ITGA3: variants seen among roughly 807,000 people sequenced by gnomAD.
ITGA3 encodes integrin alpha-3.
Under a neutral mutation model 131.1 loss-of-function variants are expected in ITGA3, and 70 were observed. The ratio of observed to expected loss-of-function variants is 0.53; its 90% CI spans 0.44 to 0.65. The LOEUF is 0.65. Ranked by LOEUF, ITGA3 falls within the 30% of genes least tolerant of loss-of-function variation. The pLI, the probability that ITGA3 is intolerant of heterozygous loss-of-function variation, is 0.00. For missense variants in ITGA3, 1,098 were observed against 1,388.6 expected (o/e 0.79, Z 3.33); for synonymous variants, 537 against 571.6 (o/e 0.94, Z 0.86).
intron 1 of ITGA3, among the ~76,000 whole-genome samples, chr17:50,058,562 G>C (rs550074735): frequency 2.0e-4 from 31 of 152,366 alleles, no homozygotes; most frequent in African/African-American, 7.5e-4. Flanking sequence ...TGTCTGGGAA[G>C]CTGGAGCTGG....
intron 15 of ITGA3, 112 bp downstream of exon 15, chr17:50,077,233 G>T (rs1908958529): frequency 1.8e-5 from 24 of 1,319,612 alleles, no homozygotes; most frequent in Non-Finnish European, 2.5e-5. Context: ...ACCTCCTCTG[G>T]TCTGGGCCTT....
chr17:50,075,868 A>G (rs1464660153), intron 12 of ITGA3, 133 bp downstream of exon 12: 19 of 896,718 alleles, frequency 2.1e-5, no homozygotes, highest in Non-Finnish European at 2.9e-5. Flanking sequence ...TTGGAAGGCT[A>G]TTGGTGTGTA....
At chr17:50,083,105 A>G (rs1002924398) in intron 23 of ITGA3, among the ~76,000 whole-genome samples, 2 of 152,250 alleles carry the variant, frequency 1.3e-5, no homozygotes, top group African/African-American at 2.4e-5. Flanking sequence ...AGGGCCAGAA[A>G]GATCAGTGGA....
chr17:50,088,339 G>A lies in ITGA3; in HGVS notation c.*4G>A. ...GAGGCTGACCGACGACTACTGAGGG[G>A]GCAGCCCCCCGCCCCCGGCCCACCT... On this transcript the variant is annotated 3_prime_UTR_variant, in exon 25 of 26. Transcript: ENST00000320031. 2 of 1,564,172 alleles carry A rather than the reference G, an allele frequency of 1.3e-6. No homozygotes were observed. Among genetic ancestry groups the A allele is most frequent in the Non-Finnish European group, 1.7e-6 (2 of 1,154,726 alleles).
intron 6 of ITGA3, chr17:50,071,734 T>C (rs918486662): frequency 6.5e-6 from 4 of 618,042 alleles, no homozygotes; most frequent in Admixed American, 2.9e-5. Flanking sequence ...ATTTGTATGC[T>C]CCAGTGGATG....
intron 22 of ITGA3, among the ~76,000 whole-genome samples, chr17:50,080,778 C>G (rs546292151): frequency 7.2e-5 from 11 of 152,150 alleles, no homozygotes; most frequent in Non-Finnish European, 1.5e-4. Flanking sequence ...GGCCACCCAC[C>G]TAACTTTCTC....
Position 50,075,542 on chromosome 17 carries a change from C to T in ITGA3, c.1537+16C>T, listed in dbSNP as rs368911903. ...CGAAACATCAGTGAGTGCTGGGGTG[C>T]AGCGTAAAAGGGGTACGCTCCCCTG... On this transcript the variant is annotated intron_variant, in intron 11 of 25. Transcript: ENST00000320031. 6.0e-5 allele frequency: 97 copies of T among 1,614,218 alleles called. 1 individual carries two copies. In the African/African-American group the frequency reaches 9.5e-4, roughly 16 times the overall value.
intron 11 of ITGA3, 32 bp downstream of exon 11, chr17:50,075,558 C>T (rs369745048): frequency 1.1e-4 from 180 of 1,614,084 alleles, no homozygotes; most frequent in Middle Eastern, 3.3e-4. Context: ...AAAAGGGGTA[C>T]GCTCCCCTGT....
At chr17:50,075,556 T>C (rs1300880370) in intron 11 of ITGA3, 30 bp downstream of exon 11, 6 of 1,614,128 alleles carry the variant, frequency 3.7e-6, no homozygotes, top group Admixed American at 1.7e-5. Context: ...GTAAAAGGGG[T>C]ACGCTCCCCT....
Position 50,089,456 on chromosome 17 carries a change from G to A in ITGA3, c.*378G>A. On this transcript the variant is annotated 3_prime_UTR_variant, in exon 26 of 26. Transcript: ENST00000320031. ...ATCTTCCCACAGGAGGGCCAGCGCTGTGGACCTTACAACGCCGAGTGCACT... is the reference window on the plus strand; with the variant it reads ...ATCTTCCCACAGGAGGGCCAGCGCTATGGACCTTACAACGCCGAGTGCACT... The A allele has an allele frequency of 3.3e-6, 2 of 597,964 alleles. No individual in the cohort carries two copies. The highest frequency in any genetic ancestry group is 3.7e-5 in the African/African-American group (2 of 53,912). The allele number at this position is 597,964 out of a possible 1,614,324, so 37.0% of individuals were successfully genotyped here.
At chr17:50,088,204 C>T (rs1389862953) in intron 24 of ITGA3, 21 bp from the exon 25 acceptor site, 2 of 1,549,132 alleles carry the variant, frequency 1.3e-6, no homozygotes, top group South Asian at 1.2e-5. Flanking sequence ...ATGGCCCGTC[C>T]CCACCTCCTC....
rs370167171 is a variant in ITGA3 at position 50,064,050 on chromosome 17, C to T, written c.207-27C>T. On this transcript the variant is annotated intron_variant, in intron 1 of 25. Transcript: ENST00000320031. The surrounding 1 kb of genome is among the most constrained non-coding windows in gnomAD (Gnocchi z 4.4). The stretch of plus-strand genomic sequence containing the variant: ...AAGTGGGGCTTGGGGAGTCTGAACC[C>T]GGACCCACCTCCGTCCCTATCCCCA... 70 of 1,609,990 alleles carry T rather than the reference C, an allele frequency of 4.3e-5. No homozygotes were observed. Among genetic ancestry groups the T allele is most frequent in the Non-Finnish European group, 5.3e-5 (63 of 1,178,610 alleles).
At chr17:50,078,364 ACTC>A (rs1172232310) in intron 18 of ITGA3, 80 bp downstream of exon 18, 2 of 1,151,358 alleles carry the variant, frequency 1.7e-6, no homozygotes, top group African/African-American at 1.5e-5. Flanking sequence ...TATCTCCCAA[ACTC>A]CTCTGACCCC....
intron 4 of ITGA3, among the ~76,000 whole-genome samples, chr17:50,070,598 A>C (rs991035224): frequency 4.8e-4 from 69 of 142,456 alleles, no homozygotes; most frequent in African/African-American, 1.8e-3. Flanking sequence ...GTGAGGCAAG[A>C]TCACACCATT....
intron 21 of ITGA3, 47 bp from the exon 22 acceptor site, chr17:50,080,215 C>T: frequency 8.6e-7 from 1 of 1,167,892 alleles, no homozygotes; most frequent in South Asian, 1.3e-5. Flanking sequence ...CATGAAGAAT[C>T]TGGAGACTCA....
In ITGA3 at chr17:50,071,455, A is replaced by G; in HGVS notation, c.896A>G (p.Glu299Gly). 1 of 1,613,620 alleles carries G rather than the reference A, an allele frequency of 6.2e-7. No individual in the cohort carries two copies. The highest frequency in any genetic ancestry group is 8.5e-7 in the Non-Finnish European group (1 of 1,179,994). Residue 299 changes from glutamate to glycine, a missense_variant, in exon 6 of 26, where the codon GAG (glutamate) becomes GGG (glycine). Physicochemically the swap from Glu to Gly is moderately conservative, Grantham distance 98. Around this residue, in one of 3 missense-constraint regions of ITGA3, gnomAD observed 356 missense variants for 529.2 expected, o/e 0.67. Transcript: ENST00000320031. ...GGDLRRRQVL[E>G]GSQVGAYFGS... ...GACCTGCGGAGGAGGCAGGTGCTGG[A>G]GGGCTCGCAGGTGGGCGCCTATTTT...
chr17:50,057,511 C>T (rs1031872463), intron 1 of ITGA3, among the ~76,000 whole-genome samples: 22 of 152,240 alleles, frequency 1.4e-4, no homozygotes, highest in Admixed American at 2.0e-4. Flanking sequence ...CTCCACCAGA[C>T]GCCCTCATGC....
In ITGA3 at chr17:50,056,705, G is replaced by T; in HGVS notation, c.206+60G>T. 2 of 1,507,960 alleles carry T rather than the reference G, an allele frequency of 1.3e-6. No individual in the cohort carries two copies. Among genetic ancestry groups the T allele is most frequent in the Non-Finnish European group, 1.8e-6 (2 of 1,114,714 alleles). 93.4% of individuals were successfully genotyped at this position (1,507,960 alleles called of 1,614,324 possible). ...GAGAGTGTGCGAGCGCGGGATGCGG[G>T]TCCGGAGCTGAGTCGGAGCCCAGGG... On this transcript the variant is annotated intron_variant, in intron 1 of 25. Transcript: ENST00000320031. The surrounding 1 kb of genome is among the most constrained non-coding windows in gnomAD (Gnocchi z 5.6).
In ITGA3 at chr17:50,064,395, C is replaced by A; in HGVS notation, c.335-133C>A. The A allele has an allele frequency of 8.9e-7, 1 of 1,122,070 alleles. No homozygotes were observed. The highest frequency in any genetic ancestry group is 1.5e-5 in the South Asian group (1 of 65,786). The allele number at this position is 1,122,070 out of a possible 1,614,324, so 69.5% of individuals were successfully genotyped here. A position where few individuals can be genotyped will look rare whatever the true frequency, so the allele number is the denominator to read the frequency against. ...TGGTAGAGCTCAGAATAATGACGAGCTGGAGAAGGGGAGTTGGGAGGGCTG... is the reference window on the plus strand; with the variant it reads ...TGGTAGAGCTCAGAATAATGACGAGATGGAGAAGGGGAGTTGGGAGGGCTG... On this transcript the variant is annotated intron_variant, in intron 2 of 25. Transcript: ENST00000320031. The surrounding 1 kb of genome is among the most constrained non-coding windows in gnomAD (Gnocchi z 4.4).
Sources: gnomAD v4.1 joint callset for allele counts (sites outside exome capture counted in the v4.1 genomes callset) on GRCh38, gnomAD v4.1.1 for gene constraint, gnomAD v4.1.1 regional missense constraint, Gnocchi (gnomAD v3.1) non-coding constraint, MANE v1.5 for transcripts, NCBI Gene and HGNC (gene_info 2026-07-23, HGNC 2026-07-21) for gene names.